Variants in NLRP8 observed in about 807,000 individuals in gnomAD.
The protein encoded by NLRP8 is NLR family pyrin domain containing 8, also known as NACHT, LRR and PYD domains-containing protein 8.
A neutral mutation model predicts 88.7 loss-of-function variants in NLRP8; 86 were observed. The ratio of observed to expected loss-of-function variants is 0.97; its 90% CI spans 0.81 to 1.16. NLRP8 has a LOEUF of 1.16. Among genes scored for constraint, NLRP8 ranks in the 50% most tolerant of loss-of-function variants. NLRP8 has a pLI of 0.00. For missense variants in NLRP8, 1,342 were observed against 1,286.5 expected, an observed-to-expected ratio of 1.04 and a Z score of -0.66; for synonymous variants, 504 against 494.6, an observed-to-expected ratio of 1.02 and a Z score of -0.25.
In NLRP8 at chr19:55,964,504, C is replaced by T. The variant is rs759439737; in HGVS notation, c.2214-1709C>T. On this transcript the variant is annotated intron_variant, in intron 4 of 9. Transcript: ENST00000291971. ...TGGTGGCTCACGCCGGTAATCCCAG[C>T]GCTTTGGGAAGCCAAGGTGGGCGGA... 4.7e-4 allele frequency among the ~76,000 whole-genome samples: 72 copies of T among 152,264 alleles called. 2 individuals are homozygous for T. Among genetic ancestry groups the T allele is most frequent in the South Asian group, 6.2e-4 (3 of 4,824 alleles).
intron 9 of NLRP8, among the ~76,000 whole-genome samples, 181 bp from the exon 10 acceptor site, chr19:55,980,878 A>C (rs756245691): frequency 6.6e-6 from 1 of 152,072 alleles, no homozygotes; most frequent in Non-Finnish European, 1.5e-5. Flanking sequence ...TTGAACCCCA[A>C]GGCACTTTGA....
Position 55,973,737 on chromosome 19 carries a change from T to C in NLRP8, c.2620T>C (p.Leu874=). 1 of 1,614,116 alleles carries C rather than the reference T, an allele frequency of 6.2e-7. No individual in the cohort carries two copies. Among genetic ancestry groups the C allele is most frequent in the South Asian group, 1.1e-5 (1 of 91,044 alleles). The change falls in exon 7 of 10, where the codon TTG becomes CTG. Residue 874 remains leucine, a synonymous_variant. Transcript: ENST00000291971. ...GAGTAAGATGCTGACCCACCTGAGC[T>C]TGGCAGAAAACGCCTTGAAAGATGA...
In NLRP8 at chr19:55,954,794, C is replaced by T; in HGVS notation, c.736C>T (p.Gln246Ter). 1 of 1,614,180 alleles carries T rather than the reference C, an allele frequency of 6.2e-7. No homozygotes were observed. The highest frequency in any genetic ancestry group is 8.5e-7 in the Non-Finnish European group (1 of 1,180,042). ...CTGGTGTGCTTTCTACTTCCATTGC[C>T]AAGAGGTGAACCAGACGACAGACCA... Residue 246 changes from glutamine to a stop codon, truncating the protein, a stop_gained, in exon 3 of 10, where the codon CAA (glutamine) becomes TAA (stop). Coordinates refer to ENST00000291971, the MANE Select transcript of NLRP8 (RefSeq NM_176811.2). LOFTEE classifies it high-confidence loss of function.
At position 55,984,169 on chromosome 19, in the gene NLRP8, A is replaced by G. The variant is rs10418792; in HGVS notation, c.3048-3645A>G. On this transcript the variant is annotated intron_variant, in intron 9 of 9. Transcript: ENST00000291971. ...TTTCACAAACAATGTGATTACATACATAGAACAAGAACTGATAATCCTGGT... is the reference window on the plus strand; with the variant it reads ...TTTCACAAACAATGTGATTACATACGTAGAACAAGAACTGATAATCCTGGT... Among the ~76,000 whole-genome samples the G allele has an allele frequency of 2.2e-3, 333 of 152,338 alleles. 4 individuals are homozygous for G. Among genetic ancestry groups the G allele is most frequent in the African/African-American group, 7.7e-3 (320 of 41,576 alleles).
At chr19:55,956,677 C>T (rs1037896825) in intron 3 of NLRP8, among the ~76,000 whole-genome samples, 6 of 152,116 alleles carry the variant, frequency 3.9e-5, no homozygotes, top group African/African-American at 1.4e-4. Flanking sequence ...GAAGGTGTTC[C>T]TGGGATATAG....
intron 5 of NLRP8, among the ~76,000 whole-genome samples, chr19:55,967,720 A>G (rs746057046): frequency 6.6e-6 from 1 of 152,234 alleles, no homozygotes; most frequent in Non-Finnish European, 1.5e-5. Context: ...CCAGTGGTGG[A>G]TGGCTGGATC....
Position 55,966,343 on chromosome 19 carries a change from G to T in NLRP8, c.2344G>T (p.Val782Leu). ...CAAAGCTGTGAAGCTTCTATGCAGG[G>T]TGCTGAGATCCCCCCGGTGCCGTCT... Residue 782 changes from valine (V) to leucine (L), a missense_variant, in exon 5 of 10, where the codon GTG (valine) becomes TTG (leucine). Transcript: ENST00000291971. The T allele has an allele frequency of 1.2e-6, 2 of 1,614,122 alleles. No individual in the cohort carries two copies. The highest frequency in any genetic ancestry group is 1.1e-5 in the South Asian group (1 of 91,084).
intron 9 of NLRP8, among the ~76,000 whole-genome samples, chr19:55,981,126 T>C (rs1980555125): frequency 6.6e-6 from 1 of 152,148 alleles, no homozygotes; most frequent in South Asian, 2.1e-4. Context: ...GGAAGGAGAC[T>C]TCCTGAAGAT....
chr19:55,974,737 A>C (rs1980231658), intron 7 of NLRP8, among the ~76,000 whole-genome samples: 1 of 146,074 alleles, frequency 6.8e-6, no homozygotes, highest in Non-Finnish European at 1.5e-5. Flanking sequence ...CTCTGTCTCA[A>C]AAAAAAAAAA....
intron 1 of NLRP8, among the ~76,000 whole-genome samples, chr19:55,950,524 T>C (rs1979045444): frequency 6.6e-6 from 1 of 152,134 alleles, no homozygotes; most frequent in Non-Finnish European, 1.5e-5. Flanking sequence ...TAAAATGTAT[T>C]CGTAACCCCC....
chr19:55,974,989 G>A (rs1980245221), intron 7 of NLRP8, among the ~76,000 whole-genome samples: 1 of 152,142 alleles, frequency 6.6e-6, no homozygotes, highest in Non-Finnish European at 1.5e-5. Flanking sequence ...CGGTGCTCCT[G>A]CTCTGTCACG....
At chr19:55,948,298 G>T (rs770458452) in intron 1 of NLRP8, 29 bp downstream of exon 1, 4 of 1,580,376 alleles carry the variant, frequency 2.5e-6, no homozygotes, top group South Asian at 1.2e-5. Flanking sequence ...GATAAAGTGG[G>T]GGTGGGCTTG....
intron 1 of NLRP8, among the ~76,000 whole-genome samples, chr19:55,950,915 T>C (rs1242893793): frequency 6.6e-6 from 1 of 152,016 alleles, no homozygotes; most frequent in Non-Finnish European, 1.5e-5. Context: ...GCATCTCTAC[T>C]AAAAATACAG....
At chr19:55,972,751 C>T (rs1980130698) in intron 6 of NLRP8, among the ~76,000 whole-genome samples, 1 of 151,164 alleles carries the variant, frequency 6.6e-6, no homozygotes, top group South Asian at 2.1e-4. Context: ...CTGCAAATGC[C>T]ATTATTTTGT....
At chr19:55,958,960 C>T (rs1406087926) in intron 3 of NLRP8, among the ~76,000 whole-genome samples, 2 of 151,814 alleles carry the variant, frequency 1.3e-5, no homozygotes, top group Admixed American at 6.6e-5. Flanking sequence ...ATCACTGCAA[C>T]CTCCACCTCC....
At chr19:55,970,072 A>G (rs1359420576) in intron 5 of NLRP8, among the ~76,000 whole-genome samples, 1 of 152,208 alleles carries the variant, frequency 6.6e-6, no homozygotes, top group Non-Finnish European at 1.5e-5. Context: ...CAGGGTGACT[A>G]TAACTAATAA....
intron 3 of NLRP8, among the ~76,000 whole-genome samples, chr19:55,960,897 CT>C (rs36087472): frequency 0.33 from 29,989 of 90,620 alleles, 2,159 homozygotes; most frequent in East Asian, 0.44. Context: ...AACTATTTCT[CT>C]TTTTTTTTTT....
At position 55,988,248 on chromosome 19, in the gene NLRP8, A is replaced by C; in HGVS notation, c.*335A>C. 6.0e-6 allele frequency: 1 copy of C among 166,550 alleles called. No homozygotes were observed. Among genetic ancestry groups the C allele is most frequent in the Non-Finnish European group, 1.3e-5 (1 of 77,408 alleles). 10.3% of individuals were successfully genotyped at this position (166,550 alleles called of 1,614,324 possible). On this transcript the variant is annotated 3_prime_UTR_variant, in exon 10 of 10. Coordinates refer to ENST00000291971, the MANE Select transcript of NLRP8 (RefSeq NM_176811.2). Reference sequence around the variant, plus strand: ...CTCTACTAAAAAAAAAAATACAAAAAATTAGGCGTGGTGGTGGGCTCCTGT... The same window carrying C: ...CTCTACTAAAAAAAAAAATACAAAACATTAGGCGTGGTGGTGGGCTCCTGT...
chr19:55,979,435 T>C lies in NLRP8; in HGVS notation c.2918T>C (p.Met973Thr). The C allele has an allele frequency of 6.2e-7, 1 of 1,614,168 alleles. No homozygotes were observed. Among genetic ancestry groups the C allele is most frequent in the Non-Finnish European group, 8.5e-7 (1 of 1,180,034 alleles). ...TTCACCTCCATCTGCTGCCAGGCCA[T>C]GGCTTCCATGCTCCGCAAAAACCAA... The change falls in exon 9 of 10, where the codon ATG becomes ACG. Residue 973 changes from methionine to threonine, a missense_variant. Physicochemically the swap from Met to Thr is moderately conservative, Grantham distance 81. Coordinates refer to ENST00000291971, the MANE Select transcript of NLRP8 (RefSeq NM_176811.2).
Sources: allele counts gnomAD v4.1 joint callset (sites outside exome capture counted in the v4.1 genomes callset), GRCh38; gene constraint gnomAD v4.1.1; transcripts MANE v1.5; gene names NCBI Gene and HGNC (gene_info 2026-07-23, HGNC 2026-07-21).